NFAT5: variants seen among roughly 807,000 people sequenced by gnomAD.
NFAT5 encodes nuclear factor of activated T-cells 5.
NFAT5 carries 31 observed loss-of-function variants against 166.5 expected under a neutral mutation model. That is an observed-to-expected ratio of 0.19 (90% CI 0.14 to 0.25). The LOEUF is 0.25. NFAT5 is among the 10% of genes least tolerant of loss of function. The probability of loss-of-function intolerance (pLI) is 1.00; values close to 1 mark genes in which losing one functional copy is unlikely to be tolerated. For synonymous variants in NFAT5, 612 were observed against 639.7 expected (o/e 0.96, Z 0.65); for missense variants, 1,449 against 1,821.8 (o/e 0.80, Z 3.72).
chr16:69,690,981 A>G lies in NFAT5; in HGVS notation c.1816A>G (p.Ile606Val). The change falls in exon 12 of 15, where the codon ATC (isoleucine) becomes GTC (valine). Residue 606 changes from isoleucine (I) to valine (V), a missense_variant. Physicochemically the swap from Ile to Val is conservative, Grantham distance 29. Coordinates refer to ENST00000349945, the MANE Select transcript of NFAT5 (RefSeq NM_138713.4). The part of the protein sequence containing the change: ...TGCNLDKVNI[I>V]PNALMTPLIP... ...ATGTAATTTAGATAAGGTAAATATTATCCCTAATGCCCTGATGACTCCACT... is the reference window on the plus strand; with the variant it reads ...ATGTAATTTAGATAAGGTAAATATTGTCCCTAATGCCCTGATGACTCCACT... 1 of 1,604,204 alleles carries G rather than the reference A, an allele frequency of 6.2e-7. No homozygotes were observed. Among genetic ancestry groups the G allele is most frequent in the South Asian group, 1.1e-5 (1 of 88,216 alleles).
Position 69,696,772 on chromosome 16 carries a change from T to A in NFAT5, c.*421T>A, listed in dbSNP as rs2037779249. The A allele has an allele frequency of 6.6e-6, 1 of 152,660 alleles. No individual in the cohort carries two copies. Among genetic ancestry groups the A allele is most frequent in the Non-Finnish European group, 1.5e-5 (1 of 68,042 alleles). The allele number at this position is 152,660 out of a possible 1,614,324, so 9.5% of individuals were successfully genotyped here. ...ATTGTTTTAGTCAAGTAATGGCTTT[T>A]GAAAAAGTAAAGTTCAATAATAACT... On this transcript the variant is annotated 3_prime_UTR_variant, in exon 15 of 15. Transcript: ENST00000349945.
intron 3 of NFAT5, chr16:69,644,921 C>G (rs2035372272): frequency 4.5e-6 from 2 of 439,600 alleles, no homozygotes; most frequent in Non-Finnish European, 9.1e-6. Flanking sequence ...GTGTGTTCCA[C>G]TGCAAATATT....
At chr16:69,656,311 G>T (rs548027762) in intron 6 of NFAT5, among the ~76,000 whole-genome samples, 2 of 150,200 alleles carry the variant, frequency 1.3e-5, no homozygotes, top group African/African-American at 2.5e-5. Context: ...AAGAATTCCC[G>T]TGGTAAAGGC....
At position 69,566,204 on chromosome 16, in the gene NFAT5, G is replaced by C; in HGVS notation, c.-98G>C. ...CAGCGGCAGCCGCCCTCGCGTCGCC[G>C]CCCCCGGTTCGGTGCCCGCGGTCCC... On this transcript the variant is annotated 5_prime_UTR_variant, in exon 1 of 15. Transcript: ENST00000349945. This position sits in a 1 kb window ranked among gnomAD's most constrained non-coding sequence, Gnocchi z 5.7. 1 of 1,108,670 alleles carries C rather than the reference G, an allele frequency of 9.0e-7. No individual in the cohort carries two copies. The highest frequency in any genetic ancestry group is 1.3e-6 in the Non-Finnish European group (1 of 773,436). 68.7% of individuals were successfully genotyped at this position (1,108,670 alleles called of 1,614,324 possible).
chr16:69,675,643 T>G (rs191303720), intron 9 of NFAT5, among the ~76,000 whole-genome samples: 1 of 151,284 alleles, frequency 6.6e-6, no homozygotes, highest in Admixed American at 6.6e-5. Context: ...TGTTTTTTTG[T>G]TTTTTTTGTT....
chr16:69,672,987 T>TA (rs963655068), intron 9 of NFAT5, among the ~76,000 whole-genome samples: 4 of 151,698 alleles, frequency 2.6e-5, no homozygotes, highest in African/African-American at 9.7e-5. Context: ...TTTATATTCA[T>TA]AAGTTATCCT....
At chr16:69,683,233 AG>A (rs112659473) in intron 10 of NFAT5, among the ~76,000 whole-genome samples, 4 of 152,014 alleles carry the variant, frequency 2.6e-5, no homozygotes, top group African/African-American at 9.7e-5. Context: ...AGAAGAAAAA[AG>A]AAAAGTAGAA....
At chr16:69,588,041 C>T (rs1441481698) in intron 2 of NFAT5, among the ~76,000 whole-genome samples, 1 of 149,056 alleles carries the variant, frequency 6.7e-6, no homozygotes, top group Non-Finnish European at 1.5e-5. Flanking sequence ...CAACCTCTGC[C>T]TCCCAGGTTC....
chr16:69,637,109 CA>C (rs779857947), intron 3 of NFAT5, among the ~76,000 whole-genome samples: 18 of 152,294 alleles, frequency 1.2e-4, no homozygotes, highest in Non-Finnish European at 2.5e-4. Context: ...CAAAGTTCCA[CA>C]GATCTCTAGG....
chr16:69,609,696 T>C (rs142277656), intron 2 of NFAT5, among the ~76,000 whole-genome samples: 53 of 150,928 alleles, frequency 3.5e-4, no homozygotes, highest in Middle Eastern at 7.0e-3. Flanking sequence ...AAAGACAAAG[T>C]AGGACCAGGT....
chr16:69,660,561 A>C (rs955689347), intron 7 of NFAT5, among the ~76,000 whole-genome samples: 1 of 152,278 alleles, frequency 6.6e-6, no homozygotes, highest in Non-Finnish European at 1.5e-5. Context: ...TAAGGTAAGC[A>C]GAACTTTGCA....
intron 2 of NFAT5, among the ~76,000 whole-genome samples, chr16:69,614,231 C>G (rs957818618): frequency 6.6e-6 from 1 of 151,784 alleles, no homozygotes; most frequent in Non-Finnish European, 1.5e-5. Context: ...TCACAGCTCA[C>G]TACAGCCTTG....
chr16:69,686,795 G>A (rs572796852), intron 11 of NFAT5, among the ~76,000 whole-genome samples: 12 of 152,038 alleles, frequency 7.9e-5, no homozygotes, highest in African/African-American at 2.9e-4. Flanking sequence ...CCCGGGAGGC[G>A]GGGATTGCAG....
At chr16:69,694,331 T>A in intron 13 of NFAT5, 92 bp downstream of exon 13, 1 of 934,300 alleles carries the variant, frequency 1.1e-6, no homozygotes, top group East Asian at 2.6e-5. Context: ...TCACTGCACC[T>A]GCACCCTCTG....
intron 3 of NFAT5, among the ~76,000 whole-genome samples, chr16:69,641,812 T>G (rs2035226982): frequency 6.6e-6 from 1 of 152,144 alleles, no homozygotes; most frequent in Non-Finnish European, 1.5e-5. Context: ...AAAATCTTAT[T>G]TCAGTCTGGG....
intron 13 of NFAT5, 39 bp from the exon 14 acceptor site, chr16:69,695,097 T>C (rs1180581244): frequency 1.4e-6 from 2 of 1,400,904 alleles, no homozygotes; most frequent in Non-Finnish European, 2.0e-6. Flanking sequence ...CTGCAGACTG[T>C]AGTCAGCTTT....
At chr16:69,673,829 G>A (rs1382277479) in intron 9 of NFAT5, among the ~76,000 whole-genome samples, 3 of 152,162 alleles carry the variant, frequency 2.0e-5, no homozygotes, top group African/African-American at 7.2e-5. Context: ...ATACCCAGCA[G>A]ATGGTATAGT....
Position 69,579,241 on chromosome 16 carries a change from T to C in NFAT5, c.127+10693T>C, listed in dbSNP as rs1014767506. ...TCTGTATTCTTTTTTGTGTCTGTTATTAAATTATATTCTCTGGAATATTGG... is the reference window on the plus strand; with the variant it reads ...TCTGTATTCTTTTTTGTGTCTGTTACTAAATTATATTCTCTGGAATATTGG... On this transcript the variant is annotated intron_variant, in intron 2 of 14. Transcript: ENST00000349945. 2.7e-4 allele frequency among the ~76,000 whole-genome samples: 41 copies of C among 152,300 alleles called. 1 individual carries two copies. The highest frequency in any genetic ancestry group is 9.9e-4 in the African/African-American group (41 of 41,564).
intron 2 of NFAT5, among the ~76,000 whole-genome samples, chr16:69,621,922 C>T (rs1312220057): frequency 6.6e-6 from 1 of 152,060 alleles, no homozygotes; most frequent in Non-Finnish European, 1.5e-5. Flanking sequence ...TTGATTGTGT[C>T]TGTATACTCC....
Sources: allele counts gnomAD v4.1 joint callset (sites outside exome capture counted in the v4.1 genomes callset), GRCh38; gene constraint gnomAD v4.1.1; non-coding constraint Gnocchi (gnomAD v3.1); transcripts MANE v1.5; gene names NCBI Gene and HGNC (gene_info 2026-07-23, HGNC 2026-07-21).